Variants in VAV2 observed in about 807,000 individuals in gnomAD.
The protein encoded by VAV2 is vav guanine nucleotide exchange factor 2.
VAV2 carries 67 observed loss-of-function variants against 132.5 expected under a neutral mutation model. That is an observed-to-expected ratio of 0.51 (90% CI 0.42 to 0.62). The LOEUF is 0.62. Among genes scored for constraint, VAV2 ranks in the 20% least tolerant of loss-of-function variants. VAV2 has a pLI of 0.00. For synonymous variants in VAV2, 492 were observed against 443.5 expected (o/e 1.11, Z -1.37); for missense variants, 938 against 1,153.6 (o/e 0.81, Z 2.71).
intron 22 of VAV2, 73 bp downstream of exon 22, chr9:133,778,689 T>C: frequency 1.3e-6 from 2 of 1,576,806 alleles, no homozygotes; most frequent in Non-Finnish European, 1.7e-6. Flanking sequence ...TGCAGGACTT[T>C]ATGCTTCTGC....
intron 2 of VAV2, among the ~76,000 whole-genome samples, chr9:133,934,407 G>C (rs34887766): frequency 6.6e-6 from 1 of 152,202 alleles, no homozygotes; most frequent in Non-Finnish European, 1.5e-5. Context: ...CTGGAGAACC[G>C]GGGAAGCATT....
At chr9:133,945,765 C>T (rs1191010293) in intron 1 of VAV2, among the ~76,000 whole-genome samples, 1 of 152,244 alleles carries the variant, frequency 6.6e-6, no homozygotes, top group East Asian at 1.9e-4. Flanking sequence ...CCTCCCAGGT[C>T]TCTGGCTGGC....
rs568282756 is a variant in VAV2 at position 133,912,841 on chromosome 9, G to A, written c.321+26262C>T. Among the ~76,000 whole-genome samples, 17 of 152,284 alleles carry A rather than the reference G, an allele frequency of 1.1e-4. No homozygotes were observed. Among genetic ancestry groups the A allele is most frequent in the African/African-American group, 3.1e-4 (13 of 41,550 alleles). On this transcript the variant is annotated intron_variant, in intron 2 of 29. Transcript: ENST00000371850. This position sits in a 1 kb window ranked among gnomAD's most constrained non-coding sequence, Gnocchi z 4.3. ...CCCTCTAAAATCAGAGTCGTCCTGT[G>A]AGCCAGTGACCACTCGTCCCAAACA...
intron 1 of VAV2, among the ~76,000 whole-genome samples, chr9:133,939,725 T>C (rs1841065762): frequency 6.6e-6 from 1 of 152,208 alleles, no homozygotes; most frequent in African/African-American, 2.4e-5. Flanking sequence ...TGCACAGGCG[T>C]GCGTACATAC....
At chr9:133,910,428 C>G (rs2519794) in intron 2 of VAV2, among the ~76,000 whole-genome samples, 115,657 of 151,950 alleles carry the variant, frequency 0.76, 44,917 homozygotes, top group East Asian at 0.99. Flanking sequence ...GTGCGGTGGG[C>G]TCTCTCATGT....
chr9:133,977,536 C>A (rs1842553848), intron 1 of VAV2, among the ~76,000 whole-genome samples: 1 of 152,224 alleles, frequency 6.6e-6, no homozygotes, highest in South Asian at 2.1e-4. Flanking sequence ...GGCAATGGCC[C>A]TGGGGCCAGT....
At chr9:133,915,233 C>A (rs1205435563) in intron 2 of VAV2, among the ~76,000 whole-genome samples, 1 of 152,160 alleles carries the variant, frequency 6.6e-6, no homozygotes, top group Non-Finnish European at 1.5e-5. Flanking sequence ...GGGACATCCA[C>A]AGCTGGAAGC....
At chr9:133,960,216 C>T (rs1841923403) in intron 1 of VAV2, among the ~76,000 whole-genome samples, 1 of 152,226 alleles carries the variant, frequency 6.6e-6, no homozygotes, top group African/African-American at 2.4e-5. Context: ...AACGCGTTCC[C>T]AAAGGCATCG....
In VAV2 at chr9:133,966,475, G is replaced by C. The variant is rs4744541; in HGVS notation, c.204+25600C>G. Among the ~76,000 whole-genome samples the C allele has an allele frequency of 6.6e-5, 10 of 152,188 alleles. No individual in the cohort carries two copies. In the East Asian group the frequency reaches 1.9e-3, roughly 29 times the overall value. ...AATCCCAACACTTTGAGAGGCCGAG[G>C]CGGGAAGATGGCTTGAGGCCAGGAG... On this transcript the variant is annotated intron_variant, in intron 1 of 29. Transcript: ENST00000371850.
intron 2 of VAV2, among the ~76,000 whole-genome samples, chr9:133,913,274 A>C (rs887436347): frequency 2.0e-5 from 3 of 152,180 alleles, no homozygotes; most frequent in African/African-American, 7.2e-5. Context: ...GGACGATAAA[A>C]ACACGCGTTG....
chr9:133,776,560 A>C (rs1833819958), intron 23 of VAV2, among the ~76,000 whole-genome samples: 1 of 152,098 alleles, frequency 6.6e-6, no homozygotes, highest in Non-Finnish European at 1.5e-5. Context: ...GCACAGCCTC[A>C]GAGACTACCT....
At chr9:133,944,002 G>C (rs1396963761) in intron 1 of VAV2, among the ~76,000 whole-genome samples, 1 of 152,218 alleles carries the variant, frequency 6.6e-6, no homozygotes, top group Non-Finnish European at 1.5e-5. Flanking sequence ...GCGGCGCAGG[G>C]CCGGAGAGCC....
intron 1 of VAV2, among the ~76,000 whole-genome samples, chr9:133,946,647 T>A (rs1588153711): frequency 6.6e-6 from 1 of 152,366 alleles, no homozygotes; most frequent in South Asian, 2.1e-4. Context: ...GCTGACTCCC[T>A]GGGGCCACAA....
At chr9:133,913,311 C>T (rs1338860500) in intron 2 of VAV2, among the ~76,000 whole-genome samples, 5 of 152,144 alleles carry the variant, frequency 3.3e-5, no homozygotes, top group East Asian at 1.9e-4. Flanking sequence ...GAGACACACA[C>T]GAAAGGTAAG....
intron 21 of VAV2, among the ~76,000 whole-genome samples, chr9:133,779,354 G>C (rs1183499660): frequency 2.0e-5 from 3 of 152,216 alleles, no homozygotes; most frequent in African/African-American, 4.8e-5. Context: ...GCCTTGCTCT[G>C]ACCCAGCCCT....
chr9:133,851,036 C>A (rs1349334540), intron 3 of VAV2, among the ~76,000 whole-genome samples: 1 of 152,246 alleles, frequency 6.6e-6, no homozygotes, highest in African/African-American at 2.4e-5. Context: ...AGCAGACACA[C>A]AACTGCTGAG....
At chr9:133,904,153 C>T (rs965775728) in intron 2 of VAV2, among the ~76,000 whole-genome samples, 12 of 152,168 alleles carry the variant, frequency 7.9e-5, no homozygotes, top group South Asian at 4.1e-4. Flanking sequence ...GGCTCCAGCC[C>T]GTGTCCTGGT....
In VAV2 at chr9:133,879,180, C is replaced by T. The variant is rs1838389183; in HGVS notation, c.322-17748G>A. Among the ~76,000 whole-genome samples the T allele has an allele frequency of 6.6e-6, 1 of 152,206 alleles. No homozygotes were observed. The highest frequency in any genetic ancestry group is 1.5e-5 in the Non-Finnish European group (1 of 68,036). ...CAGCAGTGCCGGAGCTCTCTGCGCC[C>T]CAGGCCCTCCTCTGTAACGAGGCCC... On this transcript the variant is annotated intron_variant, in intron 2 of 29. Coordinates refer to ENST00000371850, the MANE Select transcript of VAV2 (RefSeq NM_001134398.2). The surrounding 1 kb of genome is among the most constrained non-coding windows in gnomAD (Gnocchi z 4.4).
rs1491509745 is a variant in VAV2, at chr9:133,792,683, C to CCCCCCCCA, written c.1102-815_1102-814insTGGGGGGG. On this transcript the variant is annotated intron_variant, in intron 12 of 29. Transcript: ENST00000371850. ...AGGAGCTCAGCCCCCAAGGGACCCCCCCCCCCACCCCCCACCCAGCATCCA... is the reference window on the plus strand; with the variant it reads ...AGGAGCTCAGCCCCCAAGGGACCCCCCCCCCCCACCCCCCACCCCCCACCCAGCATCCA... Among the ~76,000 whole-genome samples, 1,171 of 127,892 alleles carry CCCCCCCCA rather than the reference C, an allele frequency of 9.2e-3. 24 individuals are homozygous for CCCCCCCCA. Among genetic ancestry groups the CCCCCCCCA allele is most frequent in the African/African-American group, 0.032 (1,091 of 33,722 alleles). 83.9% of individuals were successfully genotyped at this position (127,892 alleles called of 152,430 possible).
Sources: gnomAD v4.1 joint callset for allele counts (sites outside exome capture counted in the v4.1 genomes callset) on GRCh38, gnomAD v4.1.1 for gene constraint, Gnocchi (gnomAD v3.1) non-coding constraint, MANE v1.5 for transcripts, NCBI Gene and HGNC (gene_info 2026-07-23, HGNC 2026-07-21) for gene names.